The following KPNA4 variants were observed in gnomAD, a reference collection of about 807,000 sequenced individuals.
KPNA4 encodes importin subunit alpha-3.
Under a neutral mutation model 71.3 loss-of-function variants are expected in KPNA4, and 13 were observed. That is an observed-to-expected ratio of 0.18 (90% CI 0.12 to 0.29). The LOEUF (loss-of-function observed/expected upper bound fraction) is 0.29. Ranked by LOEUF, KPNA4 falls within the 10% of genes least tolerant of loss-of-function variation. The pLI is 1.00. For missense variants in KPNA4, 334 were observed against 603.2 expected (o/e 0.55, Z 4.67); for synonymous variants, 189 against 195.2 (o/e 0.97, Z 0.26).
chr3:160,547,751 G>C (rs566759145), intron 1 of KPNA4, among the ~76,000 whole-genome samples: 2 of 151,970 alleles, frequency 1.3e-5, no homozygotes, highest in Non-Finnish European at 2.9e-5. Flanking sequence ...GGCAACTACT[G>C]ATCTTTTTAC....
At chr3:160,506,264 G>A (rs1720982723) in intron 15 of KPNA4, among the ~76,000 whole-genome samples, 1 of 152,084 alleles carries the variant, frequency 6.6e-6, no homozygotes, top group South Asian at 2.1e-4. Context: ...TGCCTCCTGG[G>A]TTCAAATGAT....
chr3:160,530,269 A>T (rs1721547185), intron 7 of KPNA4, among the ~76,000 whole-genome samples: 1 of 151,874 alleles, frequency 6.6e-6, no homozygotes, highest in African/African-American at 2.4e-5. Flanking sequence ...AGAGTTAGAG[A>T]CCAGCCTGGG....
In KPNA4 at chr3:160,521,781, G is replaced by T; in HGVS notation, c.901C>A (p.Gln301Lys). 6.2e-7 allele frequency: 1 copy of T among 1,610,996 alleles called. No individual in the cohort carries two copies. Among genetic ancestry groups the T allele is most frequent in the Non-Finnish European group, 8.5e-7 (1 of 1,179,614 alleles). Residue 301 changes from glutamine to lysine, a missense_variant and splice_region_variant, in exon 11 of 17, where the codon CAG (glutamine) becomes AAG (lysine). By Grantham distance (53) the Gln-to-Lys change is moderately conservative. Transcript: ENST00000334256. Reference protein sequence around the residue: ...PLLSHQEVKVQTAALRAVGNI... With the variant: ...PLLSHQEVKVKTAALRAVGNI... ...AATTTAACTAAGAACAAACTTACCTGAACTTTAACTTCCTGGTGGCTGAGC... is the reference window on the plus strand; with the variant it reads ...AATTTAACTAAGAACAAACTTACCTTAACTTTAACTTCCTGGTGGCTGAGC...
intron 5 of KPNA4, 66 bp from the exon 6 acceptor site, chr3:160,531,623 C>T: frequency 1.3e-6 from 1 of 772,984 alleles, no homozygotes; most frequent in Non-Finnish European, 2.0e-6. Flanking sequence ...AATATAAATT[C>T]ATATTTGACA....
At chr3:160,533,178 T>C (rs1036377586) in intron 5 of KPNA4, among the ~76,000 whole-genome samples, 3 of 152,004 alleles carry the variant, frequency 2.0e-5, no homozygotes, top group Admixed American at 2.0e-4. Context: ...CATGTGACAC[T>C]ACACCCAGCC....
Position 160,565,378 on chromosome 3 carries a change from G to A in KPNA4, c.-96C>T. On this transcript the variant is annotated 5_prime_UTR_variant, in exon 1 of 17. Transcript: ENST00000334256. The stretch of plus-strand genomic sequence containing the variant: ...ACTCCCAGGAACCGGGCCGCCGCCT[G>A]AGCTGCTGTGCCCGCCGCGCCGCCG... The A allele has an allele frequency of 9.9e-7, 1 of 1,011,706 alleles. No individual in the cohort carries two copies. Among genetic ancestry groups the A allele is most frequent in the South Asian group, 1.4e-5 (1 of 69,288 alleles). The allele number at this position is 1,011,706 out of a possible 1,614,324, so 62.7% of individuals were successfully genotyped here. A position where few individuals can be genotyped will look rare whatever the true frequency, so the allele number is the denominator to read the frequency against.
chr3:160,561,475 T>A (rs563276769), intron 1 of KPNA4, among the ~76,000 whole-genome samples: 1 of 152,184 alleles, frequency 6.6e-6, no homozygotes, highest in African/African-American at 2.4e-5. Flanking sequence ...GTGAATATCA[T>A]CTGATAGTTC....
chr3:160,524,705 T>C (rs979722324), intron 10 of KPNA4, among the ~76,000 whole-genome samples: 5 of 152,186 alleles, frequency 3.3e-5, no homozygotes, highest in African/African-American at 4.8e-5. Flanking sequence ...ACTTGGCTAT[T>C]AAGGAGCCAA....
At chr3:160,519,013 C>T (rs2108547733) in intron 11 of KPNA4, among the ~76,000 whole-genome samples, 1 of 152,260 alleles carries the variant, frequency 6.6e-6, no homozygotes, top group African/African-American at 2.4e-5. Flanking sequence ...ATGAGAAGTC[C>T]TCAAACTTTG....
intron 1 of KPNA4, among the ~76,000 whole-genome samples, chr3:160,539,283 C>G (rs1721751568): frequency 6.6e-6 from 1 of 152,072 alleles, no homozygotes; most frequent in Admixed American, 6.5e-5. Context: ...CACCAGGAGT[C>G]AATGTTAAAA....
At position 160,501,338 on chromosome 3, in the gene KPNA4, G is replaced by C. The variant is rs1240715051; in HGVS notation, c.*766C>G. 2 of 152,014 alleles carry C rather than the reference G, an allele frequency of 1.3e-5. No homozygotes were observed. Among genetic ancestry groups the C allele is most frequent in the African/African-American group, 4.8e-5 (2 of 41,246 alleles). 9.4% of individuals were successfully genotyped at this position (152,014 alleles called of 1,614,324 possible). A position where few individuals can be genotyped will look rare whatever the true frequency, so the allele number is the denominator to read the frequency against. On this transcript the variant is annotated 3_prime_UTR_variant, in exon 17 of 17. Coordinates refer to ENST00000334256, the MANE Select transcript of KPNA4 (RefSeq NM_002268.5). ...AAAAAGGATTGGGTGGGGGGAAGGA[G>C]GTGGGAAAGGGGGAAACAGAAAACA...
rs1440235946 is a variant in KPNA4, at chr3:160,565,235, C to T, written c.48G>A (p.Lys16=). 1.6e-5 allele frequency: 26 copies of T among 1,609,650 alleles called. No homozygotes were observed. Among genetic ancestry groups the T allele is most frequent in the Non-Finnish European group, 2.0e-5 (24 of 1,178,026 alleles). ...KLDNQRLKNF[K]NKGRDLETMR... ...TTACCTCCAAGTCGCGGCCTTTGTT[C>T]TTGAAATTCTTGAGCCGTTGGTTGT... The change falls in exon 1 of 17, where the codon AAG becomes AAA. Residue 16 remains lysine, a synonymous_variant. Coordinates refer to ENST00000334256, the MANE Select transcript of KPNA4 (RefSeq NM_002268.5).
chr3:160,510,609 T>C (rs553848556), intron 13 of KPNA4, among the ~76,000 whole-genome samples: 91 of 152,300 alleles, frequency 6.0e-4, no homozygotes, highest in African/African-American at 2.0e-3. Context: ...AAAATATCCA[T>C]ATCTCCTTTC....
rs185082109 is a variant in KPNA4 at position 160,542,636 on chromosome 3, A to G, written c.70-5796T>C. On this transcript the variant is annotated intron_variant, in intron 1 of 16. Coordinates refer to ENST00000334256, the MANE Select transcript of KPNA4 (RefSeq NM_002268.5). ...ATCTGTAGATTTATTTCTCACAGGT[A>G]GCACTTATTAACACTAGTATTAAAG... Among the ~76,000 whole-genome samples the G allele has an allele frequency of 5.0e-4, 76 of 152,308 alleles. 2 individuals carry two copies. In the East Asian group the frequency reaches 8.1e-3, roughly 16 times the overall value.
chr3:160,561,559 A>G (rs1197297562), intron 1 of KPNA4, among the ~76,000 whole-genome samples: 1 of 152,052 alleles, frequency 6.6e-6, no homozygotes, highest in African/African-American at 2.4e-5. Context: ...ACTTAACATG[A>G]CCACATTTTA....
intron 1 of KPNA4, among the ~76,000 whole-genome samples, chr3:160,544,126 G>C (rs1721859672): frequency 6.6e-6 from 1 of 152,144 alleles, no homozygotes; most frequent in Non-Finnish European, 1.5e-5. Context: ...CCAAAGTGCT[G>C]GGATTACAGG....
chr3:160,513,153 G>A (rs1297788352), intron 13 of KPNA4, among the ~76,000 whole-genome samples: 2 of 150,834 alleles, frequency 1.3e-5, no homozygotes, highest in African/African-American at 2.4e-5. Flanking sequence ...AACTGAACTC[G>A]ATTTACAGGA....
chr3:160,549,484 G>A (rs2108558790), intron 1 of KPNA4, among the ~76,000 whole-genome samples: 2 of 152,194 alleles, frequency 1.3e-5, no homozygotes, highest in Middle Eastern at 3.4e-3. Flanking sequence ...TCAGTCTTTT[G>A]CATGGTGGAT....
intron 15 of KPNA4, 74 bp downstream of exon 15, chr3:160,508,033 T>C: frequency 1.8e-6 from 2 of 1,124,874 alleles, no homozygotes; most frequent in Non-Finnish European, 2.5e-6. Flanking sequence ...ATAGATGTGC[T>C]ATATTAGTCG....
Sources: gnomAD v4.1 joint callset for allele counts (sites outside exome capture counted in the v4.1 genomes callset) on GRCh38, gnomAD v4.1.1 for gene constraint, MANE v1.5 for transcripts, NCBI Gene and HGNC (gene_info 2026-07-23, HGNC 2026-07-21) for gene names.